Variants in LRRC20 observed in about 807,000 individuals in gnomAD.
LRRC20 encodes the protein leucine rich repeat containing 20.
Under a neutral mutation model 14.4 loss-of-function variants are expected in LRRC20, and 11 were observed. The observed-to-expected ratio is 0.77, with a 90% CI of 0.48 to 1.27. LRRC20 has a LOEUF of 1.27. LRRC20 is among the 50% of genes most tolerant of loss of function. The pLI is 0.00. For missense variants in LRRC20, 219 were observed against 251.2 expected (o/e 0.87, Z 0.87); for synonymous variants, 121 against 107.3 (o/e 1.13, Z -0.79).
intron 4 of LRRC20, among the ~76,000 whole-genome samples, chr10:70,322,489 G>A (rs1842126333): frequency 6.6e-6 from 1 of 152,186 alleles, no homozygotes; most frequent in Admixed American, 6.5e-5. Flanking sequence ...AGCACGGGAG[G>A]GAGAGCCGCG....
chr10:70,310,696 A>G (rs904398343), intron 4 of LRRC20, among the ~76,000 whole-genome samples: 8 of 152,188 alleles, frequency 5.3e-5, no homozygotes, highest in Non-Finnish European at 1.2e-4. Context: ...GGCTGAGACC[A>G]CCCTGAGCTG....
chr10:70,379,082 G>A (rs1844613202), intron 1 of LRRC20, among the ~76,000 whole-genome samples: 1 of 152,198 alleles, frequency 6.6e-6, no homozygotes. Flanking sequence ...CCCTAATGGT[G>A]AAGATCAACA....
At chr10:70,382,389 T>C (rs1445255282) in intron 1 of LRRC20, 160 bp downstream of exon 1, 2 of 152,328 alleles carry the variant, frequency 1.3e-5, no homozygotes, top group African/African-American at 2.4e-5. Context: ...GCTGCTCTTT[T>C]CCACCGGGTG....
Position 70,299,852 on chromosome 10 carries a change from G to A in LRRC20, c.*1502C>T, listed in dbSNP as rs1841103021. 1 of 152,236 alleles carries A rather than the reference G, an allele frequency of 6.6e-6. No homozygotes were observed. Among genetic ancestry groups the A allele is most frequent in the Non-Finnish European group, 1.5e-5 (1 of 68,068 alleles). The allele number at this position is 152,236 out of a possible 1,614,324, so 9.4% of individuals were successfully genotyped here. A position where few individuals can be genotyped will look rare whatever the true frequency, so the allele number is the denominator to read the frequency against. ...TGAACAGAGTCTCTTGAGATACTGAGCGCTCAGTGATGGCCCAACAATGGC... is the reference window on the plus strand; with the variant it reads ...TGAACAGAGTCTCTTGAGATACTGAACGCTCAGTGATGGCCCAACAATGGC... On this transcript the variant is annotated 3_prime_UTR_variant, in exon 5 of 5. Transcript: ENST00000446961.
chr10:70,354,841 C>T (rs558994681), intron 2 of LRRC20, among the ~76,000 whole-genome samples: 8 of 152,188 alleles, frequency 5.3e-5, no homozygotes, highest in Non-Finnish European at 8.8e-5. Context: ...CAGAGGCACA[C>T]GTGACCCTCG....
chr10:70,301,386 A>T lies in LRRC20; in HGVS notation c.523T>A (p.Ser175Thr). The change falls in exon 5 of 5, where the codon TCT becomes ACT. Residue 175 changes from serine to threonine, a missense_variant. Transcript: ENST00000446961. ...PPLIKFDMLM[S>T]PEGARAPLP The stretch of plus-strand genomic sequence containing the variant: ...AGGGGGGCTCTTGCGCCTTCCGGAG[A>T]CATGAGCATGTCAAACTTGATGAGC... 1 of 1,613,808 alleles carries T rather than the reference A, an allele frequency of 6.2e-7. No homozygotes were observed. Among genetic ancestry groups the T allele is most frequent in the Non-Finnish European group, 8.5e-7 (1 of 1,179,994 alleles).
chr10:70,327,029 C>T (rs1374528894), intron 3 of LRRC20, among the ~76,000 whole-genome samples: 1 of 152,180 alleles, frequency 6.6e-6, no homozygotes, highest in Non-Finnish European at 1.5e-5. Context: ...TGTATTCCCA[C>T]AGTGGCTGAG....
At chr10:70,368,409 G>T (rs1173327303) in intron 2 of LRRC20, among the ~76,000 whole-genome samples, 3 of 151,516 alleles carry the variant, frequency 2.0e-5, no homozygotes, top group Admixed American at 2.0e-4. Context: ...CGCCTGCCTC[G>T]GCCTCCTAAA....
At chr10:70,339,608 A>C (rs1403959361) in intron 3 of LRRC20, among the ~76,000 whole-genome samples, 1 of 152,172 alleles carries the variant, frequency 6.6e-6, no homozygotes, top group Non-Finnish European at 1.5e-5. Flanking sequence ...CCCATGCCAC[A>C]GCTCTGTCAC....
chr10:70,376,379 ATC>A, intron 2 of LRRC20, 71 bp downstream of exon 2: 2 of 1,467,592 alleles, frequency 1.4e-6, no homozygotes, highest in Admixed American at 3.5e-5. Context: ...TGTGTCTTTC[ATC>A]TCTGTTTCAT....
intron 4 of LRRC20, among the ~76,000 whole-genome samples, chr10:70,303,473 G>A (rs564938717): frequency 2.0e-4 from 30 of 152,226 alleles, no homozygotes; most frequent in Non-Finnish European, 4.0e-4. Context: ...ACTTAGAGAT[G>A]GAATGTCCTC....
In LRRC20 at chr10:70,314,682, C is replaced by T. The variant is rs189790346; in HGVS notation, c.400+9181G>A. 3.0e-4 allele frequency among the ~76,000 whole-genome samples: 45 copies of T among 151,846 alleles called. 1 individual carries two copies. The East Asian group carries it at 8.1e-3, about 27-fold the overall frequency. On this transcript the variant is annotated intron_variant, in intron 4 of 4. Coordinates refer to ENST00000446961, the MANE Select transcript of LRRC20 (RefSeq NM_001278212.2). ...TTGAATGCACAGATAGTTTGAGCAT[C>T]GCTGGTCTTCTCGGTGAAGATTAAT... is the stretch of plus-strand genomic sequence containing the variant.
chr10:70,308,797 A>G (rs1841528082), intron 4 of LRRC20, among the ~76,000 whole-genome samples: 1 of 152,132 alleles, frequency 6.6e-6, no homozygotes, highest in Admixed American at 6.5e-5. Flanking sequence ...GACTCCTCGG[A>G]GAAGAGGAAA....
intron 4 of LRRC20, among the ~76,000 whole-genome samples, chr10:70,309,915 C>T (rs1397047634): frequency 1.3e-5 from 2 of 152,240 alleles, no homozygotes; most frequent in East Asian, 1.9e-4. Flanking sequence ...CTAGTGGGAG[C>T]GGCACTGCCG....
chr10:70,328,541 C>A lies in LRRC20; in HGVS notation c.233-4511G>T, dbSNP rs531473262. Among the ~76,000 whole-genome samples the A allele has an allele frequency of 3.3e-5, 5 of 152,316 alleles. No homozygotes were observed. The East Asian group carries it at 9.7e-4, about 29-fold the overall frequency. On this transcript the variant is annotated intron_variant, in intron 3 of 4. Coordinates refer to ENST00000446961, the MANE Select transcript of LRRC20 (RefSeq NM_001278212.2). ...CGAACTCCTGACCACAGGTGATACA[C>A]CCGCCTCGGCCTTCCAAAGTGCTAG...
intron 4 of LRRC20, among the ~76,000 whole-genome samples, chr10:70,322,165 G>T (rs574294734): frequency 4.6e-5 from 7 of 152,328 alleles, no homozygotes; most frequent in South Asian, 2.1e-4. Context: ...CCTTCTGGGG[G>T]TGGGGGATAA....
In LRRC20 at chr10:70,347,884, G is replaced by T. The variant is rs117269718; in HGVS notation, c.83-7182C>A. Among the ~76,000 whole-genome samples the T allele has an allele frequency of 8.2e-3, 1,246 of 151,904 alleles. 9 individuals carry two copies. The highest frequency in any genetic ancestry group is 0.018 in the Admixed American group (281 of 15,262). On this transcript the variant is annotated intron_variant, in intron 2 of 4. Transcript: ENST00000446961. ...ACAAGCAACATACAAGCCCTCTGCG[G>T]CTTCATCTGGCCAACTGACACACCG... is the stretch of plus-strand genomic sequence containing the variant.
intron 3 of LRRC20, among the ~76,000 whole-genome samples, chr10:70,337,003 T>A (rs2137003685): frequency 6.6e-6 from 1 of 152,310 alleles, no homozygotes; most frequent in East Asian, 1.9e-4. Flanking sequence ...TCATGTCTTA[T>A]TTTTTCCTTC....
At chr10:70,371,334 G>A (rs547876600) in intron 2 of LRRC20, among the ~76,000 whole-genome samples, 1 of 151,940 alleles carries the variant, frequency 6.6e-6, no homozygotes, top group African/African-American at 2.4e-5. Flanking sequence ...GGTAGAGACA[G>A]GGTCTCTACC....
Sources: allele counts gnomAD v4.1 joint callset (sites outside exome capture counted in the v4.1 genomes callset), GRCh38; gene constraint gnomAD v4.1.1; transcripts MANE v1.5; gene names NCBI Gene and HGNC (gene_info 2026-07-23, HGNC 2026-07-21).